The following ZNF536 variants were observed in gnomAD, a reference collection of about 807,000 sequenced individuals.
ZNF536 encodes the protein zinc finger protein 536.
A neutral mutation model predicts 84.5 loss-of-function variants in ZNF536; 13 were observed. The observed-to-expected ratio is 0.15, with a 90% CI of 0.10 to 0.24. The LOEUF (loss-of-function observed/expected upper bound fraction) is 0.24, where lower values mean the gene tolerates loss of function less well. Ranked by LOEUF, ZNF536 falls within the 10% of genes least tolerant of loss-of-function variation. ZNF536 has a pLI of 1.00. For synonymous variants in ZNF536, 811 were observed against 742.5 expected (o/e 1.09, Z -1.50); for missense variants, 1,536 against 1,747.5 (o/e 0.88, Z 2.16).
chr19:30,305,618 T>C (rs1226216410), intron 2 of ZNF536, among the ~76,000 whole-genome samples: 1 of 152,116 alleles, frequency 6.6e-6, no homozygotes, highest in Non-Finnish European at 1.5e-5. Flanking sequence ...GCACCAACAT[T>C]GGAGGCTGAG....
chr19:30,422,162 A>G (rs1230446290), intron 1 of ZNF536, among the ~76,000 whole-genome samples: 1 of 152,028 alleles, frequency 6.6e-6, no homozygotes, highest in Non-Finnish European at 1.5e-5. Context: ...GACTATTTTT[A>G]TTTTATTTAT....
At chr19:30,618,549 T>C (rs920113389) in intron 1 of ZNF536, among the ~76,000 whole-genome samples, 11 of 152,294 alleles carry the variant, frequency 7.2e-5, no homozygotes, top group African/African-American at 2.6e-4. Context: ...TGGTTCTAGT[T>C]CTGTGATTTT....
chr19:30,309,530 C>T (rs2046436142), intron 2 of ZNF536, among the ~76,000 whole-genome samples: 1 of 152,192 alleles, frequency 6.6e-6, no homozygotes, highest in East Asian at 1.9e-4. Flanking sequence ...CAGCAAAAAT[C>T]AATTTATCTT....
intron 1 of ZNF536, among the ~76,000 whole-genome samples, chr19:30,378,025 A>G (rs925970351): frequency 1.3e-5 from 2 of 152,150 alleles, no homozygotes; most frequent in Non-Finnish European, 1.5e-5. Flanking sequence ...GCCCCTGAAC[A>G]AGTGATTTGG....
chr19:30,586,490 A>C (rs1019433814), intron 1 of ZNF536, among the ~76,000 whole-genome samples: 3 of 152,234 alleles, frequency 2.0e-5, no homozygotes, highest in Admixed American at 2.0e-4. Context: ...GCACCTTTTG[A>C]AAATCAACTC....
chr19:30,523,275 A>G (rs2044441014), intron 2 of ZNF536, among the ~76,000 whole-genome samples: 1 of 152,170 alleles, frequency 6.6e-6, no homozygotes, highest in Non-Finnish European at 1.5e-5. Context: ...GGCAATATTC[A>G]TGTTGAAAGC....
chr19:30,318,646 T>C (rs1356010258), intron 2 of ZNF536, among the ~76,000 whole-genome samples: 2 of 152,252 alleles, frequency 1.3e-5, no homozygotes, highest in Non-Finnish European at 2.9e-5. Context: ...TGTGTGTGTG[T>C]GCGCATGAGT....
chr19:30,334,964 C>T (rs1038926393), intron 2 of ZNF536, among the ~76,000 whole-genome samples: 3 of 152,156 alleles, frequency 2.0e-5, no homozygotes, highest in East Asian at 1.9e-4. Context: ...GGGGCTCAGG[C>T]GGGAATGCTC....
intron 1 of ZNF536, among the ~76,000 whole-genome samples, chr19:30,419,056 C>G (rs1467094437): frequency 6.6e-6 from 1 of 152,172 alleles, no homozygotes; most frequent in Admixed American, 6.5e-5. Context: ...TCCTGCCACC[C>G]AGAAATAACA....
chr19:30,514,444 AG>A (rs1433925116), intron 2 of ZNF536, among the ~76,000 whole-genome samples: 1 of 151,994 alleles, frequency 6.6e-6, no homozygotes. Flanking sequence ...TGGGTCCTGC[AG>A]GGGGGTCAAA....
intron 1 of ZNF536, among the ~76,000 whole-genome samples, chr19:30,662,212 C>G (rs2050146233): frequency 6.6e-6 from 1 of 152,164 alleles, no homozygotes; most frequent in African/African-American, 2.4e-5. Context: ...CGGTCATAAT[C>G]AAGATATTAG....
intron 3 of ZNF536, among the ~76,000 whole-genome samples, chr19:30,545,055 C>G (rs1294183443): frequency 6.6e-6 from 1 of 152,212 alleles, no homozygotes; most frequent in African/African-American, 2.4e-5. Context: ...GTTCCCCACT[C>G]AGGATCCACA....
rs559174918 is a variant in ZNF536 at position 30,679,570 on chromosome 19, G to A, written c.170-31187G>A. ...CCCCTCCCCACGACTTCTGGGAAAC[G>A]TCACCTCTTTACATCCAGGAGGCAG... On this transcript the variant is annotated intron_variant, in intron 1 of 1. Transcript: ENST00000592773. 3.9e-4 allele frequency among the ~76,000 whole-genome samples: 59 copies of A among 152,224 alleles called. No individual in the cohort carries two copies. In the South Asian group the frequency reaches 7.9e-3, roughly 20 times the overall value.
At chr19:30,473,036 A>AC (rs1491272625) in intron 2 of ZNF536, among the ~76,000 whole-genome samples, 2 of 106,018 alleles carry the variant, frequency 1.9e-5, no homozygotes, top group African/African-American at 1.0e-4. Flanking sequence ...TACTAAGAAT[A>AC]CAAAAAAAAA....
At chr19:30,594,531 A>C (rs1366135200) in intron 1 of ZNF536, among the ~76,000 whole-genome samples, 1 of 152,176 alleles carries the variant, frequency 6.6e-6, no homozygotes, top group African/African-American at 2.4e-5. Flanking sequence ...AACTGGTAAC[A>C]AATTGCTTGA....
intron 1 of ZNF536, among the ~76,000 whole-genome samples, chr19:30,657,182 A>G (rs1172245381): frequency 6.6e-6 from 1 of 152,208 alleles, no homozygotes; most frequent in Admixed American, 6.5e-5. Flanking sequence ...TTAGAAAGTC[A>G]GATGCATCTA....
At chr19:30,225,940 G>A (rs1431923456), upstream of ZNF536, among the ~76,000 whole-genome samples, 2 of 138,822 alleles carry the variant, frequency 1.4e-5, no homozygotes, top group South Asian at 5.3e-4. Context: ...CTGTCAGCGG[G>A]TGGGGGGTGG....
chr19:30,399,264 G>GT (rs932679776), intron 1 of ZNF536, among the ~76,000 whole-genome samples: 9 of 150,982 alleles, frequency 6.0e-5, no homozygotes, highest in South Asian at 4.2e-4. Flanking sequence ...TCATGGGGTT[G>GT]TTTTTTTTTC....
chr19:30,613,613 A>C (rs1289823546), intron 1 of ZNF536, among the ~76,000 whole-genome samples: 1 of 152,124 alleles, frequency 6.6e-6, no homozygotes, highest in Admixed American at 6.5e-5. Context: ...CATCATTTTT[A>C]AGCACTCAGG....
Sources: gnomAD v4.1 joint callset for allele counts (sites outside exome capture counted in the v4.1 genomes callset) on GRCh38, gnomAD v4.1.1 for gene constraint, MANE v1.5 for transcripts, NCBI Gene and HGNC (gene_info 2026-07-23, HGNC 2026-07-21) for gene names.